PRKCH: variants seen among roughly 807,000 people sequenced by gnomAD.
The protein encoded by PRKCH is protein kinase C eta type.
A neutral mutation model predicts 82.5 loss-of-function variants in PRKCH; 28 were observed. The ratio of observed to expected loss-of-function variants is 0.34; its 90% CI spans 0.25 to 0.47. The LOEUF is 0.47. PRKCH is among the 20% of genes least tolerant of loss of function. PRKCH has a pLI of 1.00. For missense variants in PRKCH, 705 were observed against 881.8 expected (o/e 0.80, Z 2.54); for synonymous variants, 322 against 327.4 (o/e 0.98, Z 0.18).
chr14:61,421,676 C>T (rs759831046), intron 2 of PRKCH, among the ~76,000 whole-genome samples: 1 of 152,164 alleles, frequency 6.6e-6, no homozygotes, highest in Non-Finnish European at 1.5e-5. Flanking sequence ...CTACTTCTTA[C>T]TAATTTATGG....
At chr14:61,239,603 C>T (rs61992905) in intron 1 of PRKCH, among the ~76,000 whole-genome samples, 7,797 of 152,218 alleles carry the variant, frequency 0.051, 330 homozygotes, top group East Asian at 0.16. Flanking sequence ...TGGGACTGGG[C>T]CTGAGAAGGG....
chr14:61,521,302 T>G (rs1439350310), intron 10 of PRKCH, among the ~76,000 whole-genome samples: 1 of 152,200 alleles, frequency 6.6e-6, no homozygotes, highest in African/African-American at 2.4e-5. Context: ...TTTTTAGTCC[T>G]TCATAAAAAT....
chr14:61,237,758 TG>T (rs941530732), intron 1 of PRKCH, among the ~76,000 whole-genome samples: 5 of 152,152 alleles, frequency 3.3e-5, no homozygotes, highest in Non-Finnish European at 7.3e-5. Flanking sequence ...ACACCTTACA[TG>T]TATTGATTGA....
At chr14:61,189,955 TTCTC>T (rs1042820290) in intron 1 of PRKCH, among the ~76,000 whole-genome samples, 1 of 152,106 alleles carries the variant, frequency 6.6e-6, no homozygotes, top group African/African-American at 2.4e-5. Flanking sequence ...TTCTCCTTCC[TTCTC>T]TCTCTCTTTT....
At chr14:61,418,276 A>G (rs961402902) in intron 2 of PRKCH, among the ~76,000 whole-genome samples, 1 of 152,232 alleles carries the variant, frequency 6.6e-6, no homozygotes, top group Non-Finnish European at 1.5e-5. Context: ...TAAGTCCCTC[A>G]TGGGCCAGGC....
intron 12 of PRKCH, among the ~76,000 whole-genome samples, chr14:61,542,622 C>T (rs1471253923): frequency 6.6e-6 from 1 of 152,192 alleles, no homozygotes; most frequent in East Asian, 1.9e-4. Flanking sequence ...TTCTCTCTTA[C>T]CTGGCTGTAG....
intron 1 of PRKCH, chr14:61,390,674 C>CAA: frequency 6.7e-6 from 1 of 149,462 alleles, no homozygotes; most frequent in Non-Finnish European, 1.5e-5. Context: ...CTCTCTCTCT[C>CAA]AAAAAAAAAA....
At chr14:61,462,326 G>T (rs566102630) in intron 9 of PRKCH, among the ~76,000 whole-genome samples, 11 of 152,266 alleles carry the variant, frequency 7.2e-5, no homozygotes, top group African/African-American at 2.6e-4. Context: ...GGAGGCAGAG[G>T]TTGCAGTGAG....
chr14:61,232,146 C>A (rs1430560452), intron 1 of PRKCH, among the ~76,000 whole-genome samples: 2 of 152,240 alleles, frequency 1.3e-5, no homozygotes, highest in Non-Finnish European at 2.9e-5. Context: ...CACAATCCCC[C>A]ACTACGGTTT....
chr14:61,390,984 A>G (rs1009993713), intron 1 of PRKCH: 2 of 394,448 alleles, frequency 5.1e-6, no homozygotes, highest in Non-Finnish European at 8.9e-6. Context: ...TGACAAGCCA[A>G]AAATGGGAGA....
intron 2 of PRKCH, among the ~76,000 whole-genome samples, chr14:61,400,272 TAA>T: frequency 6.6e-6 from 1 of 152,356 alleles, no homozygotes; most frequent in East Asian, 1.9e-4. Flanking sequence ...ATGTCATTTT[TAA>T]AGAGAAAAAG....
At chr14:61,345,687 A>G (rs961353976) in intron 1 of PRKCH, among the ~76,000 whole-genome samples, 1 of 152,210 alleles carries the variant, frequency 6.6e-6, no homozygotes, top group Middle Eastern at 3.2e-3. Flanking sequence ...CCTTCAAGAT[A>G]TTCAGATTCT....
At chr14:61,258,937 G>A (rs757485674) in intron 1 of PRKCH, among the ~76,000 whole-genome samples, 5 of 152,080 alleles carry the variant, frequency 3.3e-5, no homozygotes, top group African/African-American at 4.8e-5. Flanking sequence ...CTCCTTCCTC[G>A]TCCTTTGCTG....
rs921376932 is a variant in PRKCH, at chr14:61,485,374, G to C, written c.1279-128G>C. On this transcript the variant is annotated intron_variant, in intron 9 of 13. Transcript: ENST00000332981. The stretch of plus-strand genomic sequence containing the variant: ...TGCACTGCACCCTGACCCATGGTCA[G>C]GATGTTTCCTGGAATACATCCACTT... 20 of 1,251,296 alleles carry C rather than the reference G, an allele frequency of 1.6e-5. No homozygotes were observed. In the African/African-American group the frequency reaches 2.4e-4, roughly 15 times the overall value. 77.5% of individuals were successfully genotyped at this position (1,251,296 alleles called of 1,614,324 possible). A position where few individuals can be genotyped will look rare whatever the true frequency, so the allele number is the denominator to read the frequency against.
chr14:61,516,457 C>T (rs2042830625), intron 10 of PRKCH, among the ~76,000 whole-genome samples: 2 of 152,310 alleles, frequency 1.3e-5, no homozygotes, highest in South Asian at 4.1e-4. Context: ...ATGACTCACA[C>T]TTGCACATTT....
At chr14:61,391,748 C>G (rs1313119538) in intron 2 of PRKCH, among the ~76,000 whole-genome samples, 2 of 152,146 alleles carry the variant, frequency 1.3e-5, no homozygotes, top group Non-Finnish European at 2.9e-5. Context: ...TCCCTACTCC[C>G]CCATCCAATA....
intron 10 of PRKCH, among the ~76,000 whole-genome samples, chr14:61,490,386 C>T (rs1156425237): frequency 3.9e-5 from 6 of 152,212 alleles, no homozygotes; most frequent in Non-Finnish European, 1.5e-5. Flanking sequence ...GTAGCAATCT[C>T]ACTCGCAAGA....
intron 1 of PRKCH, among the ~76,000 whole-genome samples, chr14:61,243,249 T>A (rs1403252594): frequency 1.3e-5 from 2 of 150,414 alleles, no homozygotes; most frequent in African/African-American, 4.9e-5. Context: ...ACAAAAAAAA[T>A]TCACCAGGTG....
intron 1 of PRKCH, among the ~76,000 whole-genome samples, chr14:61,333,984 C>T (rs2045821672): frequency 6.6e-6 from 1 of 152,108 alleles, no homozygotes; most frequent in Non-Finnish European, 1.5e-5. Flanking sequence ...TTGGTCCTCT[C>T]TGGAATTCCA....
Sources: gnomAD v4.1 joint callset for allele counts (sites outside exome capture counted in the v4.1 genomes callset) on GRCh38, gnomAD v4.1.1 for gene constraint, MANE v1.5 for transcripts, NCBI Gene and HGNC (gene_info 2026-07-23, HGNC 2026-07-21) for gene names.